Variants in RRAS2 observed in about 807,000 individuals in gnomAD.
RRAS2 encodes RAS related 2, also known as ras-related protein R-Ras2.
Under a neutral mutation model 27.6 loss-of-function variants are expected in RRAS2, and 7 were observed. The ratio of observed to expected loss-of-function variants is 0.25; its 90% CI spans 0.14 to 0.48. RRAS2 has a LOEUF of 0.48. Among genes scored for constraint, RRAS2 ranks in the 20% least tolerant of loss-of-function variants. The pLI is 0.99. For synonymous variants in RRAS2, 86 were observed against 90.9 expected (o/e 0.95, Z 0.31); for missense variants, 178 against 256.2 (o/e 0.69, Z 2.08).
At chr11:14,291,851 A>G (rs2133957298) in intron 4 of RRAS2, among the ~76,000 whole-genome samples, 1 of 152,306 alleles carries the variant, frequency 6.6e-6, no homozygotes, top group South Asian at 2.1e-4. Flanking sequence ...TGGGACCAGA[A>G]GTGTTTGGGA....
At chr11:14,342,553 T>G (rs1848735754) in intron 1 of RRAS2, among the ~76,000 whole-genome samples, 1 of 152,160 alleles carries the variant, frequency 6.6e-6, no homozygotes, top group Admixed American at 6.5e-5. Flanking sequence ...GTTACCGCAT[T>G]GTATAGGAAA....
At chr11:14,325,310 A>ATT (rs35405878) in intron 1 of RRAS2, among the ~76,000 whole-genome samples, 16 of 124,742 alleles carry the variant, frequency 1.3e-4, no homozygotes, top group African/African-American at 2.9e-4. Context: ...TCCTTTTAGT[A>ATT]TTTTTTTTTT....
chr11:14,356,491 T>C (rs538493150), intron 1 of RRAS2, among the ~76,000 whole-genome samples: 1 of 152,318 alleles, frequency 6.6e-6, no homozygotes, highest in East Asian at 1.9e-4. Flanking sequence ...GCTACCATCT[T>C]TGTCATAAAA....
chr11:14,359,147 C>T lies in RRAS2; in HGVS notation c.-277G>A, dbSNP rs902138864. ...CTCTACGCGTCTCCGCAGCGCCTGC[C>T]GAACGCAGCCTCCAGCGCCGCCACA... is the stretch of plus-strand genomic sequence containing the variant. On this transcript the variant is annotated 5_prime_UTR_variant, in exon 1 of 6. Transcript: ENST00000256196. 9.7e-7 allele frequency: 1 copy of T among 1,026,990 alleles called. No individual in the cohort carries two copies. Among genetic ancestry groups the T allele is most frequent in the Non-Finnish European group, 1.2e-6 (1 of 857,832 alleles). The allele number at this position is 1,026,990 out of a possible 1,614,324, so 63.6% of individuals were successfully genotyped here.
intron 1 of RRAS2, among the ~76,000 whole-genome samples, chr11:14,297,448 A>G (rs1336820610): frequency 1.3e-5 from 2 of 152,138 alleles, no homozygotes; most frequent in Non-Finnish European, 2.9e-5. Context: ...ATTTTTTTTG[A>G]AGGACACTTT....
intron 4 of RRAS2, among the ~76,000 whole-genome samples, chr11:14,292,159 T>G (rs1421013264): frequency 1.3e-5 from 2 of 152,188 alleles, no homozygotes; most frequent in African/African-American, 4.8e-5. Flanking sequence ...ATCCTCAATC[T>G]GGTGTATAGA....
chr11:14,335,903 G>A (rs1254400819), intron 1 of RRAS2, among the ~76,000 whole-genome samples: 1 of 152,148 alleles, frequency 6.6e-6, no homozygotes, highest in Non-Finnish European at 1.5e-5. Context: ...GTCCCAGCAA[G>A]ACAGAAAACT....
chr11:14,354,542 G>A (rs1310960679), intron 1 of RRAS2: 1 of 152,104 alleles, frequency 6.6e-6, no homozygotes, highest in African/African-American at 2.4e-5. Context: ...CCAGGAAGGA[G>A]AGGGCAATGA....
At chr11:14,341,025 C>T (rs1848693709) in intron 1 of RRAS2, among the ~76,000 whole-genome samples, 1 of 152,310 alleles carries the variant, frequency 6.6e-6, no homozygotes, top group Middle Eastern at 3.4e-3. Flanking sequence ...ACAATGACCA[C>T]GGCATTTTTT....
chr11:14,290,439 A>T (rs1385304442), intron 4 of RRAS2, among the ~76,000 whole-genome samples: 2 of 152,126 alleles, frequency 1.3e-5, no homozygotes, highest in East Asian at 1.9e-4. Context: ...ACAAAGCAAG[A>T]CCCGTTTCAG....
At chr11:14,309,081 C>T (rs933213376) in intron 1 of RRAS2, among the ~76,000 whole-genome samples, 2 of 151,542 alleles carry the variant, frequency 1.3e-5, no homozygotes, top group Admixed American at 6.6e-5. Flanking sequence ...GCCCCATAAA[C>T]AGGTAGGTAA....
intron 1 of RRAS2, among the ~76,000 whole-genome samples, chr11:14,323,252 A>T (rs1212312440): frequency 3.9e-5 from 6 of 152,076 alleles, no homozygotes; most frequent in Non-Finnish European, 8.8e-5. Flanking sequence ...TTTGAGATCA[A>T]CCTGGGCAAC....
chr11:14,312,778 A>T lies in RRAS2; in HGVS notation c.109-16923T>A, dbSNP rs149566695. On this transcript the variant is annotated intron_variant, in intron 1 of 5. Transcript: ENST00000256196. ...AAGACATATAGGTCTATGGCACAAT[A>T]AAATTCAAAAAAGCAATCTCACACC... Among the ~76,000 whole-genome samples, 69 of 152,340 alleles carry T rather than the reference A, an allele frequency of 4.5e-4. 1 individual carries two copies. The East Asian group carries it at 7.5e-3, about 17-fold the overall frequency.
At chr11:14,343,097 A>G (rs1848751295) in intron 1 of RRAS2, among the ~76,000 whole-genome samples, 1 of 152,236 alleles carries the variant, frequency 6.6e-6, no homozygotes, top group Non-Finnish European at 1.5e-5. Context: ...TGCACCATGT[A>G]CTGTTCATCT....
chr11:14,333,855 G>A (rs548280360), intron 1 of RRAS2, among the ~76,000 whole-genome samples: 68 of 152,242 alleles, frequency 4.5e-4, no homozygotes, highest in African/African-American at 1.5e-3. Context: ...GGCTGGTCTT[G>A]AACCCCTGGA....
Position 14,353,702 on chromosome 11 carries a change from A to C in RRAS2, c.108+5061T>G, listed in dbSNP as rs532402460. Among the ~76,000 whole-genome samples the C allele has an allele frequency of 2.6e-5, 4 of 152,314 alleles. No individual in the cohort carries two copies. The South Asian group carries it at 8.3e-4, about 32-fold the overall frequency. ...CACACAGAGACAGACACAAAGAGAA[A>C]GAGAATGAACAAAACAAGAATAAGA... On this transcript the variant is annotated intron_variant, in intron 1 of 5. Transcript: ENST00000256196.
At chr11:14,350,698 TAAAAAAAAAATTGC>T (rs1848930425) in intron 1 of RRAS2, among the ~76,000 whole-genome samples, 1 of 149,104 alleles carries the variant, frequency 6.7e-6, no homozygotes, top group African/African-American at 2.5e-5. Context: ...CTGACGAGGT[TAAAAAAAAAATTGC>T]AAAAAAAAAA....
chr11:14,354,760 T>C (rs1487303112), intron 1 of RRAS2, among the ~76,000 whole-genome samples: 2 of 133,250 alleles, frequency 1.5e-5, no homozygotes, highest in Non-Finnish European at 3.1e-5. Context: ...CACTGCGACC[T>C]CCACCTCCCA....
intron 1 of RRAS2, among the ~76,000 whole-genome samples, chr11:14,303,609 C>A (rs1347153959): frequency 6.6e-6 from 1 of 152,086 alleles, no homozygotes; most frequent in Non-Finnish European, 1.5e-5. Flanking sequence ...TATCCTTCAG[C>A]CCCAAGAACA....
Sources: gnomAD v4.1 joint callset for allele counts (sites outside exome capture counted in the v4.1 genomes callset) on GRCh38, gnomAD v4.1.1 for gene constraint, MANE v1.5 for transcripts, NCBI Gene and HGNC (gene_info 2026-07-23, HGNC 2026-07-21) for gene names.